NKAIN2: variants seen among roughly 807,000 people sequenced by gnomAD.
The protein encoded by NKAIN2 is sodium/potassium-transporting ATPase subunit beta-1-interacting protein 2.
A neutral mutation model predicts 32.6 loss-of-function variants in NKAIN2; 14 were observed. The observed-to-expected ratio is 0.43, with a 90% CI of 0.28 to 0.67. The LOEUF is 0.67. Among genes scored for constraint, NKAIN2 ranks in the 30% least tolerant of loss-of-function variants. The probability of loss-of-function intolerance (pLI) is 0.17; values close to 1 mark genes in which losing one functional copy is unlikely to be tolerated. For synonymous variants in NKAIN2, 80 were observed against 87.2 expected (o/e 0.92, Z 0.46); for missense variants, 198 against 258.3 (o/e 0.77, Z 1.60).
At chr6:124,113,992 T>G (rs536428624) in intron 1 of NKAIN2, among the ~76,000 whole-genome samples, 98 of 152,320 alleles carry the variant, frequency 6.4e-4, no homozygotes, top group African/African-American at 2.3e-3. Context: ...GGCATATGTT[T>G]TTATGTCTCT....
At chr6:124,820,861 T>G (rs1370171629) in intron 6 of NKAIN2, among the ~76,000 whole-genome samples, 2 of 152,100 alleles carry the variant, frequency 1.3e-5, no homozygotes, top group African/African-American at 4.8e-5. Context: ...GTGGAACAGT[T>G]TCATCCTGAA....
chr6:124,674,374 A>AT (rs1458678208), intron 4 of NKAIN2, among the ~76,000 whole-genome samples: 1 of 151,624 alleles, frequency 6.6e-6, no homozygotes, highest in African/African-American at 2.4e-5. Context: ...CTATTAGAAT[A>AT]TTTTTTCTAT....
At chr6:123,920,716 C>A (rs1201223825) in intron 1 of NKAIN2, among the ~76,000 whole-genome samples, 1 of 152,158 alleles carries the variant, frequency 6.6e-6, no homozygotes, top group African/African-American at 2.4e-5. Context: ...TCAATTGTGA[C>A]AACTTCAGAT....
chr6:124,339,430 A>T (rs116166358), intron 2 of NKAIN2, among the ~76,000 whole-genome samples: 1,751 of 152,300 alleles, frequency 0.011, 39 homozygotes, highest in African/African-American at 0.039. Context: ...AATGAGCAGA[A>T]ATCAGAGAGA....
chr6:123,932,406 C>CTTTTTTTTTTTTTTTT (rs57063550), intron 1 of NKAIN2, among the ~76,000 whole-genome samples: 5 of 104,438 alleles, frequency 4.8e-5, no homozygotes, highest in African/African-American at 1.7e-4. Flanking sequence ...TTCTGTCTTT[C>CTTTTTTTTTTTTTTTT]TTTTTTTTTT....
At chr6:123,948,946 A>G (rs1777204087) in intron 1 of NKAIN2, among the ~76,000 whole-genome samples, 1 of 151,892 alleles carries the variant, frequency 6.6e-6, no homozygotes, top group Non-Finnish European at 1.5e-5. Context: ...GGATATAGCA[A>G]GAGAAAGGAG....
intron 1 of NKAIN2, among the ~76,000 whole-genome samples, chr6:123,991,728 G>T (rs1254966970): frequency 6.6e-6 from 1 of 152,022 alleles, no homozygotes; most frequent in Non-Finnish European, 1.5e-5. Flanking sequence ...CAGGCATGGT[G>T]GTGGGCGCCT....
intron 1 of NKAIN2, among the ~76,000 whole-genome samples, chr6:124,242,563 T>C (rs1194518170): frequency 6.6e-6 from 1 of 152,168 alleles, no homozygotes; most frequent in Non-Finnish European, 1.5e-5. Context: ...CAAAGGATTA[T>C]AAATCATTCT....
intron 1 of NKAIN2, among the ~76,000 whole-genome samples, chr6:124,150,001 C>T (rs897662345): frequency 1.3e-5 from 2 of 152,078 alleles, no homozygotes; most frequent in African/African-American, 4.8e-5. Flanking sequence ...AAGGTCAGTT[C>T]CTGGTCAATA....
intron 1 of NKAIN2, among the ~76,000 whole-genome samples, chr6:124,065,087 C>G (rs1157170055): frequency 1.3e-5 from 2 of 152,116 alleles, no homozygotes. Flanking sequence ...CCCACAAGCA[C>G]TTTTTCTCAC....
chr6:124,511,006 A>G (rs1289102020), intron 3 of NKAIN2, among the ~76,000 whole-genome samples: 1 of 152,158 alleles, frequency 6.6e-6, no homozygotes, highest in Non-Finnish European at 1.5e-5. Context: ...GAAGACCTGG[A>G]AGCAAATTGC....
At chr6:123,906,081 C>T (rs943436319) in intron 1 of NKAIN2, among the ~76,000 whole-genome samples, 7 of 151,894 alleles carry the variant, frequency 4.6e-5, no homozygotes, top group Admixed American at 3.9e-4. Context: ...AATTAAAAAC[C>T]CATTATGAGA....
chr6:124,082,887 T>C (rs921121043), intron 1 of NKAIN2, among the ~76,000 whole-genome samples: 2 of 152,042 alleles, frequency 1.3e-5, no homozygotes, highest in African/African-American at 4.8e-5. Flanking sequence ...TAACAAGCAG[T>C]GTAGTAGGTA....
intron 1 of NKAIN2, among the ~76,000 whole-genome samples, chr6:124,231,400 T>A (rs144924083): frequency 1.2e-3 from 186 of 152,290 alleles, no homozygotes; most frequent in African/African-American, 4.4e-3. Context: ...TGGGGGACTG[T>A]TGAGAAGGAA....
intron 1 of NKAIN2, among the ~76,000 whole-genome samples, chr6:123,924,892 A>G (rs1301580243): frequency 1.3e-5 from 2 of 152,204 alleles, no homozygotes; most frequent in East Asian, 3.9e-4. Context: ...AGTATTTGTA[A>G]TATTATATAT....
intron 1 of NKAIN2, among the ~76,000 whole-genome samples, chr6:124,217,090 G>T (rs991092105): frequency 5.3e-5 from 8 of 152,084 alleles, no homozygotes; most frequent in African/African-American, 1.9e-4. Flanking sequence ...TGAGAGGATG[G>T]CAAAATAGGA....
At chr6:124,286,599 T>G (rs1430784760) in intron 2 of NKAIN2, among the ~76,000 whole-genome samples, 1 of 151,894 alleles carries the variant, frequency 6.6e-6, no homozygotes, top group Non-Finnish European at 1.5e-5. Flanking sequence ...GAGTTAGAAT[T>G]TTTCGTATGT....
At chr6:124,728,426 T>A (rs1776449972) in intron 4 of NKAIN2, among the ~76,000 whole-genome samples, 1 of 105,482 alleles carries the variant, frequency 9.5e-6, no homozygotes, top group Non-Finnish European at 1.9e-5. Context: ...CTCAACTACA[T>A]GGAAACTGAA....
At chr6:124,740,447 C>CGTGTGT (rs56154164) in intron 4 of NKAIN2, among the ~76,000 whole-genome samples, 20,809 of 143,666 alleles carry the variant, frequency 0.14, 1,759 homozygotes, top group East Asian at 0.37. Flanking sequence ...CACATATACA[C>CGTGTGT]GTGTGTGTGT....
Sources: allele counts gnomAD v4.1 joint callset (sites outside exome capture counted in the v4.1 genomes callset), GRCh38; gene constraint gnomAD v4.1.1; transcripts MANE v1.5; gene names NCBI Gene and HGNC (gene_info 2026-07-23, HGNC 2026-07-21).